LSS: variants seen among roughly 807,000 people sequenced by gnomAD.
LSS encodes 2,3-epoxysqualene-lanosterol cyclase.
Under a neutral mutation model 110.3 loss-of-function variants are expected in LSS, and 90 were observed. The observed-to-expected ratio is 0.82, with a 90% confidence interval of 0.69 to 0.97. The LOEUF is 0.97. Among genes scored for constraint, LSS ranks in the 50% least tolerant of loss-of-function variants. The probability of loss-of-function intolerance (pLI) is 0.00; values close to 1 mark genes in which losing one functional copy is unlikely to be tolerated. For missense variants in LSS, 927 were observed against 990.0 expected (o/e 0.94, Z 0.85); for synonymous variants, 433 against 400.0 (o/e 1.08, Z -0.98).
At chr21:46,197,575 T>G (rs11909555) in intron 17 of LSS, among the ~76,000 whole-genome samples, 38,348 of 152,058 alleles carry the variant, frequency 0.25, 5,318 homozygotes, top group East Asian at 0.57. Context: ...TGAACACAGA[T>G]GCAAAACTCC....
rs200802788 is a variant in LSS, at chr21:46,215,314, G to T, written c.893-16C>A. The T allele has an allele frequency of 2.6e-6, 4 of 1,538,896 alleles. No individual in the cohort carries two copies. Among genetic ancestry groups the T allele is most frequent in the African/African-American group, 2.7e-5 (2 of 73,746 alleles). Reference sequence around the variant, plus strand: ...TTGAGGAGCGCTACAGGGGACAGGGGTCAGTGGATGCCAGACACCATGACA... The same window carrying T: ...TTGAGGAGCGCTACAGGGGACAGGGTTCAGTGGATGCCAGACACCATGACA... On this transcript the variant is annotated splice_polypyrimidine_tract_variant and intron_variant, in intron 8 of 21. Coordinates refer to ENST00000397728, the MANE Select transcript of LSS (RefSeq NM_002340.6).
rs1184565475 is a variant in LSS at position 46,205,938 on chromosome 21, TC to T, written c.1567del (p.Asp523ThrfsTer3). ...ELLNPSEVFG[D>X]IMIDYTYVEC... ...CACATAGGTGTAGTCAATCATGATG[TC>T]CCCTGGGAAAGGGAGGGAAGAACCA... is the stretch of plus-strand genomic sequence containing the variant. On this transcript the variant is annotated frameshift_variant and splice_region_variant, in exon 17 of 22. Transcript: ENST00000397728. LOFTEE classifies it high-confidence loss of function. 1 of 1,604,090 alleles carries T rather than the reference TC, an allele frequency of 6.2e-7. No homozygotes were observed. The highest frequency in any genetic ancestry group is 1.3e-5 in the African/African-American group (1 of 74,920).
intron 10 of LSS, 68 bp from the exon 11 acceptor site, chr21:46,213,120 C>G: frequency 6.7e-7 from 1 of 1,499,352 alleles, no homozygotes. Context: ...TACCCAGACC[C>G]TGCACTCAGG....
rs150801504 is a variant in LSS, at chr21:46,198,094, C to T, written c.1671-1827G>A. Among the ~76,000 whole-genome samples, 1,271 of 152,040 alleles carry T rather than the reference C, an allele frequency of 8.4e-3. 16 individuals carry two copies. The highest frequency in any genetic ancestry group is 0.029 in the African/African-American group (1,217 of 41,458). On this transcript the variant is annotated intron_variant, in intron 17 of 21. Coordinates refer to ENST00000397728, the MANE Select transcript of LSS (RefSeq NM_002340.6). Reference sequence around the variant, plus strand: ...CAGCCTGGGCAACAGAGCAAGATCCCATCTCTACAAAAAAATTGAAAAATT... The same window carrying T: ...CAGCCTGGGCAACAGAGCAAGATCCTATCTCTACAAAAAAATTGAAAAATT...
At chr21:46,211,327 C>T (rs780130725) in intron 11 of LSS, among the ~76,000 whole-genome samples, 25 of 152,160 alleles carry the variant, frequency 1.6e-4, no homozygotes, top group Non-Finnish European at 3.4e-4. Context: ...ATCGGGGTTT[C>T]ACCATGTTAG....
chr21:46,216,593 C>T lies in LSS; in HGVS notation c.648-69G>A. The T allele has an allele frequency of 6.8e-7, 1 of 1,460,190 alleles. No individual in the cohort carries two copies. Among genetic ancestry groups the T allele is most frequent in the African/African-American group, 1.4e-5 (1 of 70,638 alleles). The allele number at this position is 1,460,190 out of a possible 1,614,324, so 90.5% of individuals were successfully genotyped here. A position where few individuals can be genotyped will look rare whatever the true frequency, so the allele number is the denominator to read the frequency against. Reference sequence around the variant, plus strand: ...CCTGCCCCCTCCGCCAGCATCCATACCTTGGGCCCTTTCAAGCACGAACAC... The same window carrying T: ...CCTGCCCCCTCCGCCAGCATCCATATCTTGGGCCCTTTCAAGCACGAACAC... On this transcript the variant is annotated intron_variant, in intron 6 of 21. Coordinates refer to ENST00000397728, the MANE Select transcript of LSS (RefSeq NM_002340.6). The surrounding 1 kb of genome is among the most constrained non-coding windows in gnomAD (Gnocchi z 4.2).
At chr21:46,196,133 C>T (rs1458983641) in intron 18 of LSS, 69 bp downstream of exon 18, 36 of 1,449,756 alleles carry the variant, frequency 2.5e-5, no homozygotes, top group Non-Finnish European at 3.1e-5. Flanking sequence ...CATTTATGAA[C>T]GCAGTGTGTG....
chr21:46,228,701 T>A, intron 1 of LSS, 31 bp downstream of exon 1: 10 of 1,602,738 alleles, frequency 6.2e-6, no homozygotes, highest in Non-Finnish European at 8.5e-6. Context: ...CCACCCCGCA[T>A]TCGTCAGGAG....
At chr21:46,207,392 G>C in intron 15 of LSS, 36 bp downstream of exon 15, 3 of 1,606,960 alleles carry the variant, frequency 1.9e-6, no homozygotes, top group Non-Finnish European at 8.5e-7. Context: ...TGCAGGACAC[G>C]AGGTATGGAC....
chr21:46,214,263 G>C (rs753592513), intron 9 of LSS, among the ~76,000 whole-genome samples: 1 of 152,250 alleles, frequency 6.6e-6, no homozygotes, highest in Non-Finnish European at 1.5e-5. Context: ...CCTCAGAACA[G>C]AATGTTCCAG....
chr21:46,227,054 G>A (rs1253503577), intron 3 of LSS, among the ~76,000 whole-genome samples: 1 of 152,206 alleles, frequency 6.6e-6, no homozygotes, highest in Non-Finnish European at 1.5e-5. Context: ...AACACTCCCA[G>A]GATGCAAAAT....
chr21:46,195,855 CCCA>C (rs1234707224), intron 18 of LSS, 99 bp from the exon 19 acceptor site: 2 of 915,590 alleles, frequency 2.2e-6, no homozygotes, highest in Non-Finnish European at 3.5e-6. Flanking sequence ...CCCCAGCCAG[CCCA>C]CCAACTCCAG....
At position 46,228,740 on chromosome 21, in the gene LSS, C is replaced by G. The variant is rs766306471; in HGVS notation, c.6G>C (p.Thr2=). The part of the protein sequence containing the change: M[T]EGTCLRRRGG... ...GGGGCGAGGGGACTCACGTGCCCTC[C>G]GTCATTGCTGCTGCAGTGCTCTACG... The change falls in exon 1 of 22, where the codon ACG becomes ACC. Residue 2 remains threonine, a synonymous_variant. Coordinates refer to ENST00000397728, the MANE Select transcript of LSS (RefSeq NM_002340.6). 1.2e-5 allele frequency: 19 copies of G among 1,600,528 alleles called. No individual in the cohort carries two copies. The highest frequency in any genetic ancestry group is 1.5e-5 in the Non-Finnish European group (18 of 1,178,790).
chr21:46,203,474 C>T (rs1437272298), intron 17 of LSS, among the ~76,000 whole-genome samples: 1 of 152,206 alleles, frequency 6.6e-6, no homozygotes, highest in Non-Finnish European at 1.5e-5. Flanking sequence ...CCTTCAGGGG[C>T]GAGGAGGGGC....
intron 8 of LSS, 26 bp downstream of exon 8, chr21:46,215,659 C>G (rs776310220): frequency 6.5e-7 from 1 of 1,541,708 alleles, no homozygotes; most frequent in South Asian, 1.2e-5. Context: ...CTGGGCTGCC[C>G]TGCCGGCCCC....
At chr21:46,192,020 C>T in intron 20 of LSS, 61 bp from the exon 21 acceptor site, 5 of 1,243,658 alleles carry the variant, frequency 4.0e-6, no homozygotes, top group Non-Finnish European at 5.9e-6. Flanking sequence ...TCATCCTCAC[C>T]CTCACACAGC....
chr21:46,198,408 T>C (rs1180858821), intron 17 of LSS, among the ~76,000 whole-genome samples: 2 of 152,286 alleles, frequency 1.3e-5, no homozygotes, highest in South Asian at 2.1e-4. Flanking sequence ...ACAAGATCTA[T>C]ATATGATGAA....
At chr21:46,215,908 T>G (rs931805054) in intron 7 of LSS, 115 bp from the exon 8 acceptor site, 1 of 669,048 alleles carries the variant, frequency 1.5e-6, no homozygotes, top group Non-Finnish European at 2.5e-6. Flanking sequence ...AGTCCCTTCC[T>G]GGGTGGGGGT....
At chr21:46,211,322 G>A (rs2080130172) in intron 11 of LSS, among the ~76,000 whole-genome samples, 1 of 152,086 alleles carries the variant, frequency 6.6e-6, no homozygotes, top group South Asian at 2.1e-4. Context: ...GTAGCATCGG[G>A]GTTTCACCAT....
Sources: gnomAD v4.1 joint callset for allele counts (sites outside exome capture counted in the v4.1 genomes callset) on GRCh38, gnomAD v4.1.1 for gene constraint, Gnocchi (gnomAD v3.1) non-coding constraint, MANE v1.5 for transcripts, NCBI Gene and HGNC (gene_info 2026-07-23, HGNC 2026-07-21) for gene names.